Variants in SRPK2 observed in about 807,000 individuals in gnomAD.
SRPK2 encodes SRSF protein kinase 2.
In SRPK2, 21 loss-of-function variants were observed where a neutral mutation model predicts 90.8. The observed-to-expected ratio is 0.23, with a 90% CI of 0.16 to 0.33. SRPK2 has a LOEUF of 0.33. Among genes scored for constraint, SRPK2 ranks in the 10% least tolerant of loss-of-function variants. SRPK2 has a pLI of 1.00. For synonymous variants in SRPK2, 288 were observed against 311.1 expected (o/e 0.93, Z 0.78); for missense variants, 620 against 869.0 (o/e 0.71, Z 3.60).
intron 2 of SRPK2, among the ~76,000 whole-genome samples, chr7:105,291,649 G>A (rs1809039234): frequency 6.6e-6 from 1 of 152,196 alleles, no homozygotes; most frequent in African/African-American, 2.4e-5. Flanking sequence ...AGAATTGCTT[G>A]AACCCAGGGG....
intron 7 of SRPK2, among the ~76,000 whole-genome samples, chr7:105,157,130 A>AG (rs1330855345): frequency 1.3e-5 from 2 of 152,216 alleles, no homozygotes; most frequent in Admixed American, 6.5e-5. Context: ...AAAAGGTACT[A>AG]GCTGGAGGTG....
intron 2 of SRPK2, among the ~76,000 whole-genome samples, chr7:105,345,205 G>A (rs1263457718): frequency 6.7e-6 from 1 of 148,838 alleles, no homozygotes; most frequent in African/African-American, 2.5e-5. Context: ...GAGGGGAGGG[G>A]AAGGGAGGAA....
chr7:105,249,147 C>T (rs1053579534), intron 2 of SRPK2, among the ~76,000 whole-genome samples: 4 of 152,102 alleles, frequency 2.6e-5, no homozygotes, highest in Non-Finnish European at 4.4e-5. Context: ...CAGCCTGATG[C>T]GGGCCACCTT....
At chr7:105,221,188 T>C (rs373348843) in intron 2 of SRPK2, among the ~76,000 whole-genome samples, 2 of 152,220 alleles carry the variant, frequency 1.3e-5, no homozygotes, top group East Asian at 3.9e-4. Context: ...CTAAGTCAAG[T>C]CATTATGAGG....
In SRPK2 at chr7:105,126,275, A is replaced by G; in HGVS notation, c.1888T>C (p.Tyr630His). Residue 630 changes from tyrosine (Y) to histidine (H), a missense_variant, in exon 15 of 16, where the codon TAT becomes CAT. Transcript: ENST00000393651. ...CTGCGATTGAAGAATTCCCGAGAATATTTTCCAGATAGAGCAAAGTGCCTT... is the reference window on the plus strand; with the variant it reads ...CTGCGATTGAAGAATTCCCGAGAATGTTTTCCAGATAGAGCAAAGTGCCTT... Reference protein sequence around the residue: ...IPRHFALSGKYSREFFNRRGE... With the variant: ...IPRHFALSGKHSREFFNRRGE... 6.2e-7 allele frequency: 1 copy of G among 1,613,998 alleles called. No homozygotes were observed. Among genetic ancestry groups the G allele is most frequent in the Non-Finnish European group, 8.5e-7 (1 of 1,179,910 alleles).
intron 13 of SRPK2, 27 bp downstream of exon 13, chr7:105,132,764 G>A (rs1461848885): frequency 1.9e-6 from 3 of 1,567,242 alleles, no homozygotes; most frequent in Admixed American, 1.7e-5. Context: ...CAATTCCCAT[G>A]GCAGCAAAGG....
chr7:105,353,137 C>T (rs1313818299), intron 2 of SRPK2, among the ~76,000 whole-genome samples: 1 of 152,146 alleles, frequency 6.6e-6, no homozygotes, highest in Admixed American at 6.5e-5. Context: ...GAACTCCCAA[C>T]TCCAAAGTTC....
intron 3 of SRPK2, among the ~76,000 whole-genome samples, chr7:105,192,525 T>C (rs954499118): frequency 6.6e-6 from 1 of 152,224 alleles, no homozygotes; most frequent in Admixed American, 6.5e-5. Flanking sequence ...CAAGTAACTT[T>C]TTTATATAAC....
At chr7:105,281,056 CTTCTTTTTT>C (rs1807259283) in intron 2 of SRPK2, among the ~76,000 whole-genome samples, 1 of 147,356 alleles carries the variant, frequency 6.8e-6, no homozygotes, top group Non-Finnish European at 1.5e-5. Flanking sequence ...CCATTTCTTC[CTTCTTTTTT>C]TTCTTTTTGT....
At chr7:105,264,757 A>G (rs1239039202) in intron 2 of SRPK2, among the ~76,000 whole-genome samples, 1 of 152,232 alleles carries the variant, frequency 6.6e-6, no homozygotes, top group Non-Finnish European at 1.5e-5. Context: ...GTTAATTTTT[A>G]GTTCATTGTG....
At chr7:105,187,360 C>A (rs774711076) in intron 3 of SRPK2, among the ~76,000 whole-genome samples, 3 of 152,144 alleles carry the variant, frequency 2.0e-5, no homozygotes, top group African/African-American at 7.2e-5. Context: ...AAAATAAATG[C>A]TTTTTCTTGC....
intron 3 of SRPK2, among the ~76,000 whole-genome samples, chr7:105,187,298 C>G (rs1206331457): frequency 6.6e-6 from 1 of 152,168 alleles, no homozygotes; most frequent in Non-Finnish European, 1.5e-5. Flanking sequence ...CCTTTCAACT[C>G]TACTCAAACC....
At chr7:105,313,479 G>C (rs1011363286) in intron 2 of SRPK2, among the ~76,000 whole-genome samples, 8 of 150,094 alleles carry the variant, frequency 5.3e-5, no homozygotes, top group Non-Finnish European at 1.0e-4. Context: ...GCCAGGCACA[G>C]TGGCTCACAC....
At position 105,284,574 on chromosome 7, in the gene SRPK2, G is replaced by T. The variant is rs372316939; in HGVS notation, c.72-80789C>A. On this transcript the variant is annotated intron_variant, in intron 2 of 15. Transcript: ENST00000393651. ...TAAAAAATCTTATATCATGCTGGGG[G>T]AAAAATATTAAACTTCATGGAGCTA... Among the ~76,000 whole-genome samples, 238 of 152,282 alleles carry T rather than the reference G, an allele frequency of 1.6e-3. 2 individuals are homozygous for T. The highest frequency in any genetic ancestry group is 5.4e-3 in the African/African-American group (225 of 41,556).
At chr7:105,118,592 T>C (rs1799891207) in intron 15 of SRPK2, among the ~76,000 whole-genome samples, 1 of 151,954 alleles carries the variant, frequency 6.6e-6, no homozygotes, top group African/African-American at 2.4e-5. Context: ...GGTCATTTCA[T>C]AAGAGAAAAA....
intron 13 of SRPK2, among the ~76,000 whole-genome samples, chr7:105,129,152 C>G (rs1396632861): frequency 1.3e-5 from 2 of 151,990 alleles, no homozygotes; most frequent in African/African-American, 4.8e-5. Flanking sequence ...CGGGATTTCA[C>G]CATGTTAGCC....
At chr7:105,260,296 T>C (rs1446871266) in intron 2 of SRPK2, among the ~76,000 whole-genome samples, 1 of 152,194 alleles carries the variant, frequency 6.6e-6, no homozygotes, top group Non-Finnish European at 1.5e-5. Flanking sequence ...TCATCATCAC[T>C]GGTCATCAGA....
chr7:105,185,481 A>G lies in SRPK2; in HGVS notation c.230-16216T>C, dbSNP rs377176292. Reference sequence around the variant, plus strand: ...CATGGAGTGCAAGGGTATATATTATAGCACATATCCATGTCTGACTCATAA... The same window carrying G: ...CATGGAGTGCAAGGGTATATATTATGGCACATATCCATGTCTGACTCATAA... On this transcript the variant is annotated intron_variant, in intron 3 of 15. Coordinates refer to ENST00000393651, the MANE Select transcript of SRPK2 (RefSeq NM_182692.3). Among the ~76,000 whole-genome samples the G allele has an allele frequency of 2.3e-4, 35 of 152,316 alleles. No homozygotes were observed. The East Asian group carries it at 5.6e-3, about 24-fold the overall frequency.
intron 13 of SRPK2, among the ~76,000 whole-genome samples, chr7:105,127,383 A>G (rs568873667): frequency 6.6e-6 from 1 of 152,208 alleles, no homozygotes; most frequent in Non-Finnish European, 1.5e-5. Context: ...TGGTAGAACG[A>G]GAGTTCAACC....
Sources: gnomAD v4.1 joint callset for allele counts (sites outside exome capture counted in the v4.1 genomes callset) on GRCh38, gnomAD v4.1.1 for gene constraint, MANE v1.5 for transcripts, NCBI Gene and HGNC (gene_info 2026-07-23, HGNC 2026-07-21) for gene names.